Variants in DGKB observed in about 807,000 individuals in gnomAD.
DGKB encodes the protein diacylglycerol kinase beta.
Under a neutral mutation model 114.3 loss-of-function variants are expected in DGKB, and 67 were observed. That is an observed-to-expected ratio of 0.59 (90% CI 0.48 to 0.72). The LOEUF is 0.72. Among genes scored for constraint, DGKB ranks in the 30% least tolerant of loss-of-function variants. DGKB has a pLI of 0.00. For synonymous variants in DGKB, 398 were observed against 323.1 expected, an observed-to-expected ratio of 1.23 and a Z score of -2.49; for missense variants, 907 against 975.2, an observed-to-expected ratio of 0.93 and a Z score of 0.93.
At chr7:14,612,781 T>G (rs931689816) in intron 16 of DGKB, among the ~76,000 whole-genome samples, 1 of 152,132 alleles carries the variant, frequency 6.6e-6, no homozygotes, top group Non-Finnish European at 1.5e-5. Flanking sequence ...CATATTTGTA[T>G]TAAATAATAT....
intron 2 of DGKB, among the ~76,000 whole-genome samples, chr7:14,776,926 A>T (rs1407685694): frequency 6.6e-6 from 1 of 152,130 alleles, no homozygotes; most frequent in Non-Finnish European, 1.5e-5. Context: ...CTAGCTATGA[A>T]ATCAGCCAGG....
chr7:14,574,128 T>C (rs974975006), intron 20 of DGKB, 84 bp downstream of exon 20: 1 of 1,046,594 alleles, frequency 9.6e-7, no homozygotes, highest in Admixed American at 2.5e-5. Context: ...TTATTTATAA[T>C]CAGTAAATTT....
At chr7:14,941,920 T>C (rs1025311020) in intron 1 of DGKB, among the ~76,000 whole-genome samples, 1 of 152,070 alleles carries the variant, frequency 6.6e-6, no homozygotes, top group Non-Finnish European at 1.5e-5. Context: ...CAGTTAATTT[T>C]AGAATTCAGT....
chr7:14,673,705 T>C (rs753008135), intron 12 of DGKB, among the ~76,000 whole-genome samples: 42 of 152,068 alleles, frequency 2.8e-4, no homozygotes, highest in Non-Finnish European at 5.3e-4. Context: ...GTCATAAGTT[T>C]ACATTAAGGT....
chr7:14,247,659 G>A (rs1454386150), intron 23 of DGKB, among the ~76,000 whole-genome samples: 1 of 151,980 alleles, frequency 6.6e-6, no homozygotes, highest in Non-Finnish European at 1.5e-5. Context: ...TTTGCAAAAT[G>A]TCTATTCAGG....
chr7:14,836,253 A>T (rs1266784820), intron 2 of DGKB, among the ~76,000 whole-genome samples: 3 of 152,236 alleles, frequency 2.0e-5, no homozygotes, highest in Middle Eastern at 3.2e-3. Context: ...ATTCGTCCTT[A>T]TTGAAAAGAA....
intron 7 of DGKB, among the ~76,000 whole-genome samples, chr7:14,699,153 A>G (rs1824652524): frequency 1.3e-5 from 2 of 152,186 alleles, no homozygotes; most frequent in Admixed American, 6.5e-5. Flanking sequence ...AATTATGAAT[A>G]TGTTACTTAA....
chr7:14,237,078 G>T (rs1005945830), intron 23 of DGKB, among the ~76,000 whole-genome samples: 3 of 151,828 alleles, frequency 2.0e-5, no homozygotes, highest in African/African-American at 4.8e-5. Flanking sequence ...TGTAAATGAG[G>T]TTCATTTTAT....
chr7:14,295,323 G>A (rs913272677), intron 23 of DGKB, among the ~76,000 whole-genome samples: 1 of 152,046 alleles, frequency 6.6e-6, no homozygotes, highest in Non-Finnish European at 1.5e-5. Flanking sequence ...TCAAATAAAT[G>A]TTTATTCAAT....
chr7:14,257,495 A>G (rs1047214164), intron 23 of DGKB, among the ~76,000 whole-genome samples: 1 of 151,992 alleles, frequency 6.6e-6, no homozygotes, highest in Non-Finnish European at 1.5e-5. Flanking sequence ...CATAATCCCC[A>G]TGTATCCTGG....
intron 2 of DGKB, among the ~76,000 whole-genome samples, chr7:14,816,925 T>A (rs1324521870): frequency 6.6e-6 from 1 of 152,226 alleles, no homozygotes; most frequent in Non-Finnish European, 1.5e-5. Flanking sequence ...CACACTAATA[T>A]AAAAACTTGC....
At chr7:14,856,349 T>C (rs990328570) in intron 1 of DGKB, among the ~76,000 whole-genome samples, 3 of 152,124 alleles carry the variant, frequency 2.0e-5, no homozygotes, top group Non-Finnish European at 4.4e-5. Flanking sequence ...ACAACTATGA[T>C]TGATGTTTTT....
chr7:14,211,494 ACT>A (rs549683422), intron 23 of DGKB, among the ~76,000 whole-genome samples: 353 of 34,422 alleles, frequency 0.01, 44 homozygotes, highest in Non-Finnish European at 0.014. Flanking sequence ...TGTGATATTT[ACT>A]CTCATGTTTT....
chr7:14,674,009 G>A (rs374353367), intron 12 of DGKB, among the ~76,000 whole-genome samples: 1 of 151,698 alleles, frequency 6.6e-6, no homozygotes, highest in African/African-American at 2.4e-5. Flanking sequence ...ACATACCTTT[G>A]TGAGCAGTTA....
In DGKB at chr7:14,245,342, T is replaced by C. The variant is rs192860870; in HGVS notation, c.2123-67191A>G. On this transcript the variant is annotated intron_variant, in intron 23 of 25. Coordinates refer to ENST00000402815, the MANE Select transcript of DGKB (RefSeq NM_001350709.2). ...AAGGATGATGTACATTTGAATGTAA[T>C]TGATTAAACAAAAATACAGAAAGCA... 2.7e-3 allele frequency among the ~76,000 whole-genome samples: 415 copies of C among 152,312 alleles called. 1 individual carries two copies. Among genetic ancestry groups the C allele is most frequent in the African/African-American group, 9.7e-3 (404 of 41,574 alleles).
At chr7:14,474,750 T>C (rs1289559651) in intron 21 of DGKB, among the ~76,000 whole-genome samples, 1 of 151,962 alleles carries the variant, frequency 6.6e-6, no homozygotes, top group Non-Finnish European at 1.5e-5. Flanking sequence ...TGAATACTAA[T>C]TGACAATTTA....
intron 23 of DGKB, among the ~76,000 whole-genome samples, chr7:14,196,446 A>G (rs1232140143): frequency 1.3e-5 from 2 of 152,192 alleles, no homozygotes; most frequent in Non-Finnish European, 2.9e-5. Context: ...TCTATTTTCT[A>G]TATTTTTCTC....
chr7:14,476,157 TA>T lies in DGKB; in HGVS notation c.1835+2003del, dbSNP rs1413064822. Among the ~76,000 whole-genome samples, 10 of 152,010 alleles carry T rather than the reference TA, an allele frequency of 6.6e-5. No individual in the cohort carries two copies. In the East Asian group the frequency reaches 1.7e-3, roughly 26 times the overall value. ...TTCTTTATGAATATAACTTAAATAA[TA>T]TATATGAATATAAATATGAATGCTT... On this transcript the variant is annotated intron_variant, in intron 21 of 25. Coordinates refer to ENST00000402815, the MANE Select transcript of DGKB (RefSeq NM_001350709.2).
chr7:14,346,853 T>G (rs1247465853), intron 21 of DGKB, among the ~76,000 whole-genome samples: 1 of 151,994 alleles, frequency 6.6e-6, no homozygotes, highest in African/African-American at 2.4e-5. Context: ...GAGAAAAATA[T>G]TGGTTTATAC....
Sources: allele counts gnomAD v4.1 joint callset (sites outside exome capture counted in the v4.1 genomes callset), GRCh38; gene constraint gnomAD v4.1.1; transcripts MANE v1.5; gene names NCBI Gene and HGNC (gene_info 2026-07-23, HGNC 2026-07-21).